The following MCM10 variants were observed in gnomAD, a reference collection of about 807,000 sequenced individuals.
MCM10 encodes the protein minichromosome maintenance 10 replication initiation factor.
Under a neutral mutation model 109.9 loss-of-function variants are expected in MCM10, and 91 were observed. That is an observed-to-expected ratio of 0.83 (90% confidence interval 0.70 to 0.99). The LOEUF (loss-of-function observed/expected upper bound fraction) is 0.99. Ranked by LOEUF, MCM10 falls within the 50% of genes least tolerant of loss-of-function variation. MCM10 has a pLI of 0.00. For synonymous variants in MCM10, 380 were observed against 387.2 expected (o/e 0.98, Z 0.22); for missense variants, 1,077 against 1,061.2 (o/e 1.01, Z -0.21).
In MCM10 at chr10:13,171,163, C is replaced by T. The variant is rs772930631; in HGVS notation, c.249C>T (p.Asp83=). ...NLATLFGDME[D]LTDEEEVPAS... is the part of the protein sequence containing the mutation. The stretch of plus-strand genomic sequence containing the variant: ...CCACTCTCTTTGGAGATATGGAGGA[C>T]TTAACAGATGAAGAAGAAGTTCCCG... The change falls in exon 3 of 20, where the codon GAC becomes GAT. Residue 83 remains aspartate (D), a synonymous_variant. Transcript: ENST00000378714. 1.2e-6 allele frequency: 2 copies of T among 1,614,174 alleles called. No homozygotes were observed. The highest frequency in any genetic ancestry group is 1.7e-5 in the Admixed American group (1 of 60,010).
At position 13,209,116 on chromosome 10, in the gene MCM10, C is replaced by T. The variant is rs766513721; in HGVS notation, c.2524C>T (p.Arg842Trp). The T allele has an allele frequency of 1.1e-5, 17 of 1,612,810 alleles. No individual in the cohort carries two copies. The highest frequency in any genetic ancestry group is 1.6e-4 in the Middle Eastern group (1 of 6,080). ...TAACTGTGGCCTCTACAAATGGGAA[C>T]GGGACGGAATGCTAAAGGTATGCCA... ...CSNCGLYKWE[R>W]DGMLKEKTGP... Residue 842 changes from arginine (R) to tryptophan (W), a missense_variant, in exon 19 of 20, where the codon CGG becomes TGG. Arg to Trp is a moderately radical substitution (Grantham distance 101, BLOSUM62 -3). Coordinates refer to ENST00000378714, the MANE Select transcript of MCM10 (RefSeq NM_018518.5).
chr10:13,197,847 A>G (rs1834442964), intron 15 of MCM10, 80 bp downstream of exon 15: 12 of 1,425,514 alleles, frequency 8.4e-6, no homozygotes, highest in Non-Finnish European at 1.1e-5. Flanking sequence ...ACCAGCACCC[A>G]GATATCAAGC....
intron 13 of MCM10, among the ~76,000 whole-genome samples, chr10:13,193,118 C>A (rs567870989): frequency 4.0e-5 from 6 of 151,890 alleles, no homozygotes; most frequent in Non-Finnish European, 8.8e-5. Context: ...AATTCCTGGA[C>A]GCAAGCCTGG....
Position 13,172,658 on chromosome 10 carries a change from G to T in MCM10, c.485G>T (p.Arg162Met). 6.2e-7 allele frequency: 1 copy of T among 1,614,186 alleles called. No individual in the cohort carries two copies. The highest frequency in any genetic ancestry group is 8.5e-7 in the Non-Finnish European group (1 of 1,180,032). Residue 162 changes from arginine to methionine, a missense_variant, in exon 5 of 20, where the codon AGG becomes ATG. Physicochemically the swap from Arg to Met is moderately conservative, Grantham distance 91 (BLOSUM62 -1). Transcript: ENST00000378714. This position sits in a 1 kb window ranked among gnomAD's most constrained non-coding sequence, Gnocchi z 5.2. The stretch of plus-strand genomic sequence containing the variant: ...TCTCCCCGGCCACCTCTTAAGGAGA[G>T]GAGAGTTCAGAGAATTCAGGAGTCA... ...EKSPRPPLKE[R>M]RVQRIQESTC...
At chr10:13,209,068 TA>T (rs764108562) in intron 18 of MCM10, 22 bp from the exon 19 acceptor site, 1 of 1,598,034 alleles carries the variant, frequency 6.3e-7, no homozygotes, top group East Asian at 2.2e-5. Flanking sequence ...CCCTGCTGAG[TA>T]AATCCATCTG....
chr10:13,208,257 C>G (rs1334907881), intron 18 of MCM10, among the ~76,000 whole-genome samples: 1 of 151,884 alleles, frequency 6.6e-6, no homozygotes, highest in African/African-American at 2.4e-5. Flanking sequence ...TGGTGGTGTA[C>G]ACCTTTGGTC....
chr10:13,188,815 T>C, intron 9 of MCM10, 66 bp from the exon 10 acceptor site: 1 of 1,358,050 alleles, frequency 7.4e-7, no homozygotes, highest in Non-Finnish European at 1.1e-6. Flanking sequence ...GAAGGAACTG[T>C]GTCTGCTCAC....
At chr10:13,190,726 C>G (rs1030371125) in intron 10 of MCM10, among the ~76,000 whole-genome samples, 2 of 151,762 alleles carry the variant, frequency 1.3e-5, no homozygotes, top group Non-Finnish European at 2.9e-5. Flanking sequence ...GGTATATATA[C>G]TCCTAGGTGT....
rs558742808 is a variant in MCM10, at chr10:13,204,305, C to T, written c.2439C>T (p.Phe813=). Residue 813 remains phenylalanine, a synonymous_variant, in exon 18 of 20, where the codon TTC becomes TTT. Coordinates refer to ENST00000378714, the MANE Select transcript of MCM10 (RefSeq NM_018518.5). The stretch of plus-strand genomic sequence containing the variant: ...GGCATGATGGTGTGAAGAGGTTTTT[C>T]AAATGTCCCTGTGGAAACAGAAGCA... ...YHWHDGVKRF[F]KCPCGNRSIS... 22 of 1,614,200 alleles carry T rather than the reference C, an allele frequency of 1.4e-5. No homozygotes were observed. The East Asian group carries it at 4.7e-4, about 34-fold the overall frequency.
intron 6 of MCM10, among the ~76,000 whole-genome samples, chr10:13,177,022 G>A (rs1053535247): frequency 6.6e-6 from 1 of 152,172 alleles, no homozygotes; most frequent in East Asian, 1.9e-4. Flanking sequence ...TTCTCATTGA[G>A]GGGGCTGCAG....
Position 13,197,698 on chromosome 10 carries a change from C to T in MCM10, c.2050C>T (p.Gln684Ter). ...AAACCCAAACAGCATTAAGAAGAAACAAAAGGACCCTCAGGACATCCTGGA... is the reference window on the plus strand; with the variant it reads ...AAACCCAAACAGCATTAAGAAGAAATAAAAGGACCCTCAGGACATCCTGGA... ...KTNPNSIKKK[Q>*]KDPQDILEVK... The change falls in exon 15 of 20, where the codon CAA (glutamine) becomes TAA (stop). Residue 684 changes from glutamine to a stop codon, truncating the protein, a stop_gained. Transcript: ENST00000378714. LOFTEE classifies it high-confidence loss of function. 1 of 1,613,932 alleles carries T rather than the reference C, an allele frequency of 6.2e-7. No individual in the cohort carries two copies. Among genetic ancestry groups the T allele is most frequent in the Non-Finnish European group, 8.5e-7 (1 of 1,179,976 alleles).
intron 5 of MCM10, among the ~76,000 whole-genome samples, chr10:13,174,996 C>T (rs1385787173): frequency 1.3e-5 from 2 of 151,868 alleles, no homozygotes; most frequent in Admixed American, 6.6e-5. Context: ...GACGTGGTGG[C>T]GCATGCCTGT....
intron 7 of MCM10, 45 bp downstream of exon 7, chr10:13,180,652 C>T (rs1456188878): frequency 6.2e-7 from 1 of 1,600,240 alleles, no homozygotes; most frequent in African/African-American, 1.3e-5. Flanking sequence ...TACAAACTGA[C>T]AGTGGGAATT....
intron 8 of MCM10, among the ~76,000 whole-genome samples, chr10:13,184,676 C>A (rs1834251771): frequency 6.6e-6 from 1 of 152,142 alleles, no homozygotes; most frequent in Non-Finnish European, 1.5e-5. Flanking sequence ...AGTATAGTTT[C>A]TTTTCAACAA....
rs1476553158 is a variant in MCM10 at position 13,178,618 on chromosome 10, G to A, written c.765-1824G>A. ...TGCTGTTTTGGTTACTATAGCTTTC[G>A]TATAATTTGAAGTCAGGTAATCTGA... On this transcript the variant is annotated intron_variant, in intron 6 of 19. Coordinates refer to ENST00000378714, the MANE Select transcript of MCM10 (RefSeq NM_018518.5). Among the ~76,000 whole-genome samples, 5 of 152,152 alleles carry A rather than the reference G, an allele frequency of 3.3e-5. No individual in the cohort carries two copies. The East Asian group carries it at 5.8e-4, about 18-fold the overall frequency.
intron 18 of MCM10, 48 bp from the exon 19 acceptor site, chr10:13,209,042 GA>G (rs1834622811): frequency 1.4e-6 from 2 of 1,391,796 alleles, no homozygotes; most frequent in Non-Finnish European, 2.0e-6. Flanking sequence ...GTCTTTACAT[GA>G]GTGGGCCTAC....
chr10:13,184,035 T>A (rs1057329040), intron 8 of MCM10, among the ~76,000 whole-genome samples: 5 of 152,266 alleles, frequency 3.3e-5, no homozygotes, highest in African/African-American at 1.2e-4. Flanking sequence ...TTTTTTGCAT[T>A]TTTATTAGAG....
chr10:13,162,065 T>A (rs1049030954), intron 1 of MCM10, among the ~76,000 whole-genome samples: 7 of 152,062 alleles, frequency 4.6e-5, no homozygotes. Context: ...CGACTCAGGG[T>A]GGTCCAGAAA....
intron 8 of MCM10, among the ~76,000 whole-genome samples, chr10:13,184,966 C>T (rs755330030): frequency 3.3e-4 from 50 of 152,318 alleles, no homozygotes; most frequent in Non-Finnish European, 6.0e-4. Flanking sequence ...TGGCTGGAAG[C>T]TTTGTACAAA....
Sources: allele counts gnomAD v4.1 joint callset (sites outside exome capture counted in the v4.1 genomes callset), GRCh38; gene constraint gnomAD v4.1.1; non-coding constraint Gnocchi (gnomAD v3.1); transcripts MANE v1.5; gene names NCBI Gene and HGNC (gene_info 2026-07-23, HGNC 2026-07-21).